PALM2AKAP2: variants seen among roughly 807,000 people sequenced by gnomAD.
The protein encoded by PALM2AKAP2 is PALM2-AKAP2 fusion protein.
A neutral mutation model predicts 71.5 loss-of-function variants in PALM2AKAP2; 37 were observed. That is an observed-to-expected ratio of 0.52 (90% CI 0.40 to 0.68). PALM2AKAP2 has a LOEUF of 0.68. Ranked by LOEUF, PALM2AKAP2 falls within the 30% of genes least tolerant of loss-of-function variation. The pLI is 0.00. For missense variants in PALM2AKAP2, 1,224 were observed against 1,191.8 expected (o/e 1.03, Z -0.40); for synonymous variants, 468 against 478.8 (o/e 0.98, Z 0.29).
intron 3 of PALM2AKAP2, among the ~76,000 whole-genome samples, chr9:109,891,368 G>T (rs1331765069): frequency 6.6e-6 from 1 of 152,120 alleles, no homozygotes; most frequent in East Asian, 1.9e-4. Flanking sequence ...CCTTCTTGTT[G>T]GTCATTAAGG....
intron 1 of PALM2AKAP2, among the ~76,000 whole-genome samples, chr9:109,664,996 G>T (rs1448512206): frequency 6.6e-6 from 1 of 152,174 alleles, no homozygotes; most frequent in African/African-American, 2.4e-5. Flanking sequence ...GCTTGTGCAT[G>T]TGTCACAAAG....
chr9:110,011,712 G>A (rs1397051674), intron 6 of PALM2AKAP2, among the ~76,000 whole-genome samples: 1 of 152,224 alleles, frequency 6.6e-6, no homozygotes, highest in Non-Finnish European at 1.5e-5. Context: ...AAATTGGCCT[G>A]TAGTCTACTG....
chr9:109,832,905 G>C (rs768681009), intron 1 of PALM2AKAP2, among the ~76,000 whole-genome samples: 8 of 152,204 alleles, frequency 5.3e-5, no homozygotes, highest in Non-Finnish European at 1.2e-4. Context: ...GTGTGCCAAT[G>C]GTTGCACTTG....
At chr9:110,168,329 C>T (rs1041763407) in intron 3 of PALM2AKAP2, 70 bp from the exon 11 acceptor site, 1 of 1,552,870 alleles carries the variant, frequency 6.4e-7, no homozygotes, top group Non-Finnish European at 8.8e-7. Flanking sequence ...AAGAAAGAAA[C>T]AGAGAAGTCG....
At chr9:109,659,233 A>G (rs1034198193) in intron 1 of PALM2AKAP2, among the ~76,000 whole-genome samples, 14 of 152,226 alleles carry the variant, frequency 9.2e-5, no homozygotes, top group African/African-American at 3.4e-4. Flanking sequence ...GAGATGATTT[A>G]AATACCACAC....
At chr9:109,825,697 TA>T (rs1264644001) in intron 1 of PALM2AKAP2, among the ~76,000 whole-genome samples, 2 of 152,134 alleles carry the variant, frequency 1.3e-5, no homozygotes, top group Non-Finnish European at 2.9e-5. Context: ...TGGCAGTCAT[TA>T]AAAAGTCAGG....
intron 1 of PALM2AKAP2, among the ~76,000 whole-genome samples, chr9:109,706,729 A>G (rs1198234582): frequency 6.6e-6 from 1 of 152,240 alleles, no homozygotes; most frequent in Non-Finnish European, 1.5e-5. Context: ...TTTTGCCATG[A>G]AAAGAATGAC....
intron 6 of PALM2AKAP2, among the ~76,000 whole-genome samples, chr9:109,954,764 C>T (rs986085561): frequency 1.3e-5 from 2 of 151,506 alleles, no homozygotes; most frequent in African/African-American, 4.9e-5. Flanking sequence ...TGAATCTGGC[C>T]TACAGTAAGG....
intron 6 of PALM2AKAP2, among the ~76,000 whole-genome samples, chr9:110,002,405 A>T (rs1434690703): frequency 6.6e-6 from 1 of 151,530 alleles, no homozygotes; most frequent in Non-Finnish European, 1.5e-5. Flanking sequence ...ATGCTGCTAG[A>T]TTCACATCAA....
chr9:109,768,002 CAGGT>C (rs1386926370), intron 1 of PALM2AKAP2, among the ~76,000 whole-genome samples: 3 of 65,182 alleles, frequency 4.6e-5, no homozygotes, highest in African/African-American at 4.1e-4. Context: ...GGAGCAAAGG[CAGGT>C]AGGTAGGAAG....
intron 7 of PALM2AKAP2, among the ~76,000 whole-genome samples, chr9:110,034,177 G>A (rs916214900): frequency 6.6e-6 from 1 of 151,988 alleles, no homozygotes; most frequent in Non-Finnish European, 1.5e-5. Flanking sequence ...GTTTTTTTGA[G>A]ATGGAGTTTC....
intron 3 of PALM2AKAP2, among the ~76,000 whole-genome samples, chr9:109,894,833 C>T (rs1830164360): frequency 6.6e-6 from 1 of 152,070 alleles, no homozygotes; most frequent in Non-Finnish European, 1.5e-5. Flanking sequence ...CCAGGCTGGT[C>T]TTGAACTCCT....
At chr9:110,025,781 G>A (rs755641559) in intron 7 of PALM2AKAP2, among the ~76,000 whole-genome samples, 1 of 152,134 alleles carries the variant, frequency 6.6e-6, no homozygotes, top group Non-Finnish European at 1.5e-5. Flanking sequence ...CATTCTCCTG[G>A]TGGCTAACGA....
At chr9:110,114,990 A>T (rs1468738897) in intron 1 of PALM2AKAP2, among the ~76,000 whole-genome samples, 1 of 152,138 alleles carries the variant, frequency 6.6e-6, no homozygotes, top group Non-Finnish European at 1.5e-5. Flanking sequence ...ACGACTCCCC[A>T]CTGCTCCCCG....
chr9:109,862,826 C>A (rs1319789874), intron 1 of PALM2AKAP2: 1 of 477,034 alleles, frequency 2.1e-6, no homozygotes, highest in South Asian at 1.5e-5. Context: ...TCAAATGAAG[C>A]AGCAGTGCAC....
At chr9:109,654,352 A>G (rs1044112577) in intron 1 of PALM2AKAP2, among the ~76,000 whole-genome samples, 13 of 152,246 alleles carry the variant, frequency 8.5e-5, no homozygotes, top group Non-Finnish European at 1.5e-4. Context: ...TAATTCAAAC[A>G]TGTTAGTAAG....
chr9:110,137,415 C>T, exon 2 of PALM2AKAP2: 2 of 1,614,152 alleles, frequency 1.2e-6, no homozygotes, highest in Non-Finnish European at 1.7e-6. Flanking sequence ...GGACAGAAAT[C>T]CCCCGGTGCC....
chr9:109,793,342 A>G (rs997834015), intron 1 of PALM2AKAP2, among the ~76,000 whole-genome samples: 1 of 152,236 alleles, frequency 6.6e-6, no homozygotes, highest in Non-Finnish European at 1.5e-5. Context: ...GACTAAACAA[A>G]GAGATTGCTC....
At chr9:109,958,048 A>C (rs1162680206) in intron 6 of PALM2AKAP2, among the ~76,000 whole-genome samples, 1 of 152,190 alleles carries the variant, frequency 6.6e-6, no homozygotes, top group Non-Finnish European at 1.5e-5. Flanking sequence ...TCTTCTGTAG[A>C]ATGGGAATAA....
Sources: gnomAD v4.1 joint callset for allele counts (sites outside exome capture counted in the v4.1 genomes callset) on GRCh38, gnomAD v4.1.1 for gene constraint, MANE v1.5 for transcripts, NCBI Gene and HGNC (gene_info 2026-07-23, HGNC 2026-07-21) for gene names.